HEMK1: variants seen among roughly 807,000 people sequenced by gnomAD.
HEMK1 encodes the protein MTRF1L release factor glutamine methyltransferase.
Under a neutral mutation model 47.9 loss-of-function variants are expected in HEMK1, and 36 were observed. The ratio of observed to expected loss-of-function variants is 0.75; its 90% CI spans 0.58 to 0.99. The LOEUF (loss-of-function observed/expected upper bound fraction) is 0.99. HEMK1 is among the 50% of genes least tolerant of loss of function. The pLI, the probability that HEMK1 is intolerant of heterozygous loss-of-function variation, is 0.00. For synonymous variants in HEMK1, 153 were observed against 165.4 expected (o/e 0.93, Z 0.57); for missense variants, 383 against 434.5 (o/e 0.88, Z 1.05).
In HEMK1 at chr3:50,586,284, C is replaced by T. The variant is rs552268221; in HGVS notation, c.*5867C>T. ...CTTTTCTTCCAAAGACTACCTCTCA[C>T]ACATACAGCAGTCCTGCAGGAAAAT... is the stretch of plus-strand genomic sequence containing the variant. On this transcript the variant is annotated 3_prime_UTR_variant, in exon 11 of 11. Transcript: ENST00000232854. The T allele has an allele frequency of 6.6e-6, 1 of 152,272 alleles. No individual in the cohort carries two copies. Among genetic ancestry groups the T allele is most frequent in the Admixed American group, 6.5e-5 (1 of 15,292 alleles). The allele number at this position is 152,272 out of a possible 1,614,324, so 9.4% of individuals were successfully genotyped here.
chr3:50,577,437 C>A, intron 5 of HEMK1, 72 bp from the exon 6 acceptor site: 1 of 1,448,764 alleles, frequency 6.9e-7, no homozygotes, highest in Non-Finnish European at 9.7e-7. Flanking sequence ...GGAGGAGGGT[C>A]CCCCAGGCCC....
In HEMK1 at chr3:50,578,863, T is replaced by C. The variant is rs746889053; in HGVS notation, c.707T>C (p.Ile236Thr). The change falls in exon 8 of 11, where the codon ATT (isoleucine) becomes ACT (threonine). Residue 236 changes from isoleucine (I) to threonine (T), a missense_variant. Ile to Thr is a moderately conservative substitution (Grantham distance 89). Coordinates refer to ENST00000232854, the MANE Select transcript of HEMK1 (RefSeq NM_016173.5). ...THLPWGPMDL[I>T]VSNPPYVFHQ... Reference sequence around the variant, plus strand: ...CTGCCCTGGGGCCCCATGGACCTGATTGTCAGCAACCCTCCCTACGTCTTC... The same window carrying C: ...CTGCCCTGGGGCCCCATGGACCTGACTGTCAGCAACCCTCCCTACGTCTTC... 3.1e-6 allele frequency: 5 copies of C among 1,613,512 alleles called. No homozygotes were observed. The highest frequency in any genetic ancestry group is 3.4e-6 in the Non-Finnish European group (4 of 1,179,750).
chr3:50,596,100 G>C lies in HEMK1; in HGVS notation c.*15683G>C, dbSNP rs2031959313. 1 of 152,148 alleles carries C rather than the reference G, an allele frequency of 6.6e-6. No individual in the cohort carries two copies. The highest frequency in any genetic ancestry group is 2.4e-5 in the African/African-American group (1 of 41,406). 9.4% of individuals were successfully genotyped at this position (152,148 alleles called of 1,614,324 possible). A position where few individuals can be genotyped will look rare whatever the true frequency, so the allele number is the denominator to read the frequency against. On this transcript the variant is annotated 3_prime_UTR_variant, in exon 11 of 11. Transcript: ENST00000232854. ...GTTACCACTCTCTTCTAATCTGCCTGTGGCCTGTTCCTTAGAGTGTATCAC... is the reference window on the plus strand; with the variant it reads ...GTTACCACTCTCTTCTAATCTGCCTCTGGCCTGTTCCTTAGAGTGTATCAC...
At chr3:50,579,980 C>T in intron 9 of HEMK1, 41 bp downstream of exon 9, 2 of 1,549,550 alleles carry the variant, frequency 1.3e-6, no homozygotes, top group Non-Finnish European at 1.8e-6. Flanking sequence ...CCCCAGCAGG[C>T]TCCTCTGCTC....
At chr3:50,572,042 G>T (rs375977948) in intron 3 of HEMK1, 73 bp from the exon 4 acceptor site, 1 of 1,599,616 alleles carries the variant, frequency 6.3e-7, no homozygotes. Context: ...GCCACAAGTG[G>T]TATCTCAACC....
In HEMK1 at chr3:50,586,300, G is replaced by C. The variant is rs1185921847; in HGVS notation, c.*5883G>C. 1 of 152,268 alleles carries C rather than the reference G, an allele frequency of 6.6e-6. No individual in the cohort carries two copies. Among genetic ancestry groups the C allele is most frequent in the Non-Finnish European group, 1.5e-5 (1 of 68,052 alleles). 9.4% of individuals were successfully genotyped at this position (152,268 alleles called of 1,614,324 possible). On this transcript the variant is annotated 3_prime_UTR_variant, in exon 11 of 11. Transcript: ENST00000232854. ...TACCTCTCACACATACAGCAGTCCTGCAGGAAAATGGTCAGGAAAGGCTAA... is the reference window on the plus strand; with the variant it reads ...TACCTCTCACACATACAGCAGTCCTCCAGGAAAATGGTCAGGAAAGGCTAA...
intron 4 of HEMK1, among the ~76,000 whole-genome samples, chr3:50,574,162 G>A (rs967102917): frequency 1.3e-5 from 2 of 152,192 alleles, no homozygotes; most frequent in Non-Finnish European, 2.9e-5. Context: ...TTTCCCGCAT[G>A]CGTCTGTGCC....
At position 50,584,834 on chromosome 3, in the gene HEMK1, T is replaced by TGTG. The variant is rs1340176434; in HGVS notation, c.*4419_*4420insGGT. 4 of 152,230 alleles carry TGTG rather than the reference T, an allele frequency of 2.6e-5. No homozygotes were observed. Among genetic ancestry groups the TGTG allele is most frequent in the South Asian group, 2.1e-4 (1 of 4,824 alleles). 9.4% of individuals were successfully genotyped at this position (152,230 alleles called of 1,614,324 possible). On this transcript the variant is annotated 3_prime_UTR_variant, in exon 11 of 11. Coordinates refer to ENST00000232854, the MANE Select transcript of HEMK1 (RefSeq NM_016173.5). ...TGTGGTGCCCAAATTAGAGTGCTGC[T>TGTG]GTAACACACGCCTACTGATTGAAGT...
intron 4 of HEMK1, among the ~76,000 whole-genome samples, chr3:50,574,811 G>T (rs1298903528): frequency 6.6e-6 from 1 of 152,172 alleles, no homozygotes; most frequent in Non-Finnish European, 1.5e-5. Context: ...CTGGAACTGG[G>T]CCCCCTCACC....
intron 3 of HEMK1, 148 bp from the exon 4 acceptor site, chr3:50,571,967 G>T: frequency 7.3e-7 from 1 of 1,375,160 alleles, no homozygotes. Context: ...GAAGAAGGGA[G>T]GGAGGGAGGG....
intron 4 of HEMK1, among the ~76,000 whole-genome samples, chr3:50,573,676 T>A (rs1240367015): frequency 2.0e-5 from 3 of 152,194 alleles, no homozygotes; most frequent in African/African-American, 4.8e-5. Flanking sequence ...TTCACCCCAA[T>A]GTAAAGCCAC....
chr3:50,578,668 G>C (rs556990408), intron 7 of HEMK1, among the ~76,000 whole-genome samples, 153 bp from the exon 8 acceptor site: 140 of 152,360 alleles, frequency 9.2e-4, no homozygotes, highest in Non-Finnish European at 1.7e-3. Context: ...GCCAGCTGGG[G>C]ACCCTGGGCA....
intron 4 of HEMK1, 30 bp from the exon 5 acceptor site, chr3:50,577,022 G>A (rs1318609939): frequency 5.0e-6 from 8 of 1,612,488 alleles, no homozygotes; most frequent in Middle Eastern, 1.6e-4. Flanking sequence ...CGTTGGCACC[G>A]ACTCTGATCC....
intron 3 of HEMK1, 50 bp from the exon 4 acceptor site, chr3:50,572,065 T>C (rs1343293832): frequency 6.2e-7 from 1 of 1,610,906 alleles, no homozygotes; most frequent in Non-Finnish European, 8.5e-7. Flanking sequence ...GGCATGGTCC[T>C]GTTGGTCCTA....
At chr3:50,571,915 G>A in intron 3 of HEMK1, 114 bp downstream of exon 3, 1 of 1,333,474 alleles carries the variant, frequency 7.5e-7, no homozygotes, top group Non-Finnish European at 1.1e-6. Context: ...GGGAGGTGTT[G>A]GGGTGCAGGA....
Position 50,585,352 on chromosome 3 carries a change from C to G in HEMK1, c.*4935C>G, listed in dbSNP as rs1225999123. The G allele has an allele frequency of 2.0e-5, 3 of 152,322 alleles. No homozygotes were observed. Among genetic ancestry groups the G allele is most frequent in the Non-Finnish European group, 4.4e-5 (3 of 68,118 alleles). 9.4% of individuals were successfully genotyped at this position (152,322 alleles called of 1,614,324 possible). A position where few individuals can be genotyped will look rare whatever the true frequency, so the allele number is the denominator to read the frequency against. On this transcript the variant is annotated 3_prime_UTR_variant, in exon 11 of 11. Transcript: ENST00000232854. ...CTTTGAGCTAATGGGCCTGGCCCCTCCATGTAAGCCATAGGCCTGAGCAGA... is the reference window on the plus strand; with the variant it reads ...CTTTGAGCTAATGGGCCTGGCCCCTGCATGTAAGCCATAGGCCTGAGCAGA...
At chr3:50,571,353 G>C (rs1252800927) in intron 2 of HEMK1, 21 bp downstream of exon 2, 16 of 1,538,538 alleles carry the variant, frequency 1.0e-5, no homozygotes, top group Non-Finnish European at 1.3e-5. Context: ...GTGTTGTCAA[G>C]AGGACAGGAA....
At chr3:50,570,838 G>A in intron 1 of HEMK1, 93 bp from the exon 2 acceptor site, 2 of 367,578 alleles carry the variant, frequency 5.4e-6, no homozygotes, top group South Asian at 1.4e-4. Flanking sequence ...GGGGGTGTCA[G>A]AGCAAGAGCA....
At position 50,580,447 on chromosome 3, in the gene HEMK1, G is replaced by A. The variant is rs1369885138; in HGVS notation, c.*30G>A. On this transcript the variant is annotated 3_prime_UTR_variant, in exon 11 of 11. Transcript: ENST00000232854. ...GCTGCCCTGTGGATGCCTTGTCAGTGCCGCCAGCCTGACCAGAGGGGAGGT... is the reference window on the plus strand; with the variant it reads ...GCTGCCCTGTGGATGCCTTGTCAGTACCGCCAGCCTGACCAGAGGGGAGGT... 1 of 1,612,782 alleles carries A rather than the reference G, an allele frequency of 6.2e-7. No homozygotes were observed.
Sources: gnomAD v4.1 joint callset for allele counts (sites outside exome capture counted in the v4.1 genomes callset) on GRCh38, gnomAD v4.1.1 for gene constraint, MANE v1.5 for transcripts, NCBI Gene and HGNC (gene_info 2026-07-23, HGNC 2026-07-21) for gene names.